Variants in SHISA6 observed in about 807,000 individuals in gnomAD.
SHISA6 encodes shisa family member 6, also known as protein shisa-6.
In SHISA6, 22 loss-of-function variants were observed where a neutral mutation model predicts 47.9. The observed-to-expected ratio is 0.46, with a 90% confidence interval of 0.33 to 0.66. The LOEUF is 0.66. SHISA6 is among the 30% of genes least tolerant of loss of function. The probability of loss-of-function intolerance (pLI) is 0.02; values close to 1 mark genes in which losing one functional copy is unlikely to be tolerated. For synonymous variants in SHISA6, 388 were observed against 337.8 expected (o/e 1.15, Z -1.63); for missense variants, 680 against 764.6 (o/e 0.89, Z 1.30).
chr17:11,467,510 A>C (rs1915838940), intron 3 of SHISA6, among the ~76,000 whole-genome samples: 1 of 152,194 alleles, frequency 6.6e-6, no homozygotes. Flanking sequence ...TCATTAATGA[A>C]GAAAAGCTAG....
chr17:11,294,413 C>T (rs955330905), intron 2 of SHISA6, among the ~76,000 whole-genome samples: 3 of 152,082 alleles, frequency 2.0e-5, no homozygotes, highest in Non-Finnish European at 4.4e-5. Context: ...GTCCTGTCCA[C>T]CCCAGGCCTT....
chr17:11,385,990 G>A (rs773195993), intron 3 of SHISA6, among the ~76,000 whole-genome samples: 4 of 152,030 alleles, frequency 2.6e-5, no homozygotes, highest in Admixed American at 2.0e-4. Flanking sequence ...GGGGTGGGAG[G>A]GGGGAACATC....
chr17:11,435,681 G>A (rs945101703), intron 3 of SHISA6, among the ~76,000 whole-genome samples: 5 of 152,078 alleles, frequency 3.3e-5, no homozygotes, highest in Admixed American at 6.6e-5. Flanking sequence ...AAATTCCTTC[G>A]GATGCCCCAA....
At chr17:11,402,226 G>A (rs1222908094) in intron 3 of SHISA6, among the ~76,000 whole-genome samples, 1 of 152,068 alleles carries the variant, frequency 6.6e-6, no homozygotes, top group Non-Finnish European at 1.5e-5. Context: ...ATGGGTGTTG[G>A]GGAATATATC....
chr17:11,477,744 T>C (rs954157751), intron 3 of SHISA6, among the ~76,000 whole-genome samples: 5 of 150,734 alleles, frequency 3.3e-5, no homozygotes, highest in African/African-American at 7.4e-5. Context: ...ACAAAGGACA[T>C]GAACTCATCA....
At chr17:11,520,064 C>T (rs2071616398) in intron 3 of SHISA6, among the ~76,000 whole-genome samples, 1 of 151,670 alleles carries the variant, frequency 6.6e-6, no homozygotes, top group South Asian at 2.1e-4. Context: ...CATCTAGTCT[C>T]AGTTTTAAAT....
intron 2 of SHISA6, among the ~76,000 whole-genome samples, chr17:11,339,754 G>A (rs986728104): frequency 6.6e-6 from 1 of 152,200 alleles, no homozygotes; most frequent in Non-Finnish European, 1.5e-5. Flanking sequence ...GCCTGTGGGA[G>A]CCCAGGGGAG....
At position 11,395,104 on chromosome 17, in the gene SHISA6, C is replaced by T. The variant is rs1227417263; in HGVS notation, c.895+15595C>T. 8.0e-5 allele frequency among the ~76,000 whole-genome samples: 12 copies of T among 149,198 alleles called. No individual in the cohort carries two copies. In the South Asian group the frequency reaches 2.4e-3, roughly 29 times the overall value. On this transcript the variant is annotated intron_variant, in intron 3 of 5. Transcript: ENST00000441885. ...GCAAGCTCTGCCTCCTGGATTCACA[C>T]GATGGCCCTTTATTTCTAAGTACAT...
At chr17:11,543,721 A>T (rs1483765946) in intron 3 of SHISA6, among the ~76,000 whole-genome samples, 1 of 152,104 alleles carries the variant, frequency 6.6e-6, no homozygotes, top group Non-Finnish European at 1.5e-5. Context: ...TCATATAGCA[A>T]CAGTAATCAA....
intron 2 of SHISA6, among the ~76,000 whole-genome samples, chr17:11,328,396 T>C (rs934758334): frequency 1.3e-5 from 2 of 152,198 alleles, no homozygotes; most frequent in Non-Finnish European, 2.9e-5. Flanking sequence ...ATTCCAAGCC[T>C]CATTCTGACA....
chr17:11,505,899 A>C (rs2071494817), intron 3 of SHISA6, among the ~76,000 whole-genome samples: 1 of 152,218 alleles, frequency 6.6e-6, no homozygotes, highest in Non-Finnish European at 1.5e-5. Flanking sequence ...ACTGTATACC[A>C]CAAGGCAGTC....
At chr17:11,434,430 A>T (rs1914879093) in intron 3 of SHISA6, among the ~76,000 whole-genome samples, 1 of 152,000 alleles carries the variant, frequency 6.6e-6, no homozygotes, top group African/African-American at 2.4e-5. Flanking sequence ...AATCTGTGTT[A>T]TTTTCATATT....
chr17:11,372,610 A>G (rs1912663230), intron 2 of SHISA6, among the ~76,000 whole-genome samples: 1 of 145,776 alleles, frequency 6.9e-6, no homozygotes, highest in Non-Finnish European at 1.5e-5. Flanking sequence ...TTTTCTAGTT[A>G]TTATTTGTTC....
chr17:11,301,577 C>A (rs938949929), intron 2 of SHISA6, among the ~76,000 whole-genome samples: 2 of 152,310 alleles, frequency 1.3e-5, no homozygotes, highest in East Asian at 3.9e-4. Flanking sequence ...CTCTTCCAGG[C>A]GTCCTTCAGT....
At chr17:11,502,196 T>G (rs1040580864) in intron 3 of SHISA6, among the ~76,000 whole-genome samples, 8 of 138,910 alleles carry the variant, frequency 5.8e-5, no homozygotes, top group African/African-American at 2.2e-4. Context: ...GATCACGAGG[T>G]CAGGAGATCG....
chr17:11,280,866 G>A (rs1442622777), intron 2 of SHISA6, among the ~76,000 whole-genome samples: 4 of 152,312 alleles, frequency 2.6e-5, no homozygotes, highest in African/African-American at 7.2e-5. Flanking sequence ...GGCCTTGAAT[G>A]GCAGGATTTG....
intron 2 of SHISA6, among the ~76,000 whole-genome samples, chr17:11,275,357 G>A (rs1175195537): frequency 6.6e-6 from 1 of 152,108 alleles, no homozygotes; most frequent in African/African-American, 2.4e-5. Flanking sequence ...GAGGAGATGT[G>A]AGGAGCATAG....
chr17:11,298,023 C>A (rs1909808386), intron 2 of SHISA6, among the ~76,000 whole-genome samples: 1 of 152,166 alleles, frequency 6.6e-6, no homozygotes, highest in Non-Finnish European at 1.5e-5. Flanking sequence ...TTGAAAAGAT[C>A]ATCATAATTG....
At chr17:11,318,953 G>A (rs1381954941) in intron 2 of SHISA6, among the ~76,000 whole-genome samples, 2 of 151,754 alleles carry the variant, frequency 1.3e-5, no homozygotes, top group Non-Finnish European at 2.9e-5. Flanking sequence ...ATTTGGATCT[G>A]TTATCCTTTT....
Sources: gnomAD v4.1 joint callset for allele counts (sites outside exome capture counted in the v4.1 genomes callset) on GRCh38, gnomAD v4.1.1 for gene constraint, MANE v1.5 for transcripts, NCBI Gene and HGNC (gene_info 2026-07-23, HGNC 2026-07-21) for gene names.